The following TSHR variants were observed in gnomAD, a reference collection of about 807,000 sequenced individuals.
TSHR encodes the protein thyroid stimulating hormone receptor, also known as thyrotropin receptor.
TSHR carries 51 observed loss-of-function variants against 64.1 expected under a neutral mutation model. The observed-to-expected ratio is 0.80, with a 90% CI of 0.64 to 1.01. TSHR has a LOEUF of 1.01. Ranked by LOEUF, TSHR falls within the 50% of genes least tolerant of loss-of-function variation. The pLI is 0.00. For missense variants in TSHR, 877 were observed against 942.8 expected, an observed-to-expected ratio of 0.93 and a Z score of 0.91; for synonymous variants, 361 against 361.9, an observed-to-expected ratio of 1.00 and a Z score of 0.03.
At chr14:81,132,994 T>C (rs1891312968) in intron 8 of TSHR, among the ~76,000 whole-genome samples, 1 of 152,180 alleles carries the variant, frequency 6.6e-6, no homozygotes, top group Non-Finnish European at 1.5e-5. Flanking sequence ...CTTAAAATGA[T>C]TCCTGACTTG....
chr14:81,108,673 C>T (rs766746755), intron 8 of TSHR: 1 of 1,613,976 alleles, frequency 6.2e-7, no homozygotes, highest in Non-Finnish European at 8.5e-7. Flanking sequence ...CTCCAGTATG[C>T]CATCATGATG....
chr14:81,114,696 C>G (rs1890406629), intron 8 of TSHR, among the ~76,000 whole-genome samples: 2 of 152,212 alleles, frequency 1.3e-5, no homozygotes, highest in South Asian at 4.1e-4. Context: ...AGGAGGCCTG[C>G]CTGCCTCTGT....
intron 1 of TSHR, among the ~76,000 whole-genome samples, chr14:81,009,869 T>C (rs1889813606): frequency 6.6e-6 from 1 of 152,128 alleles, no homozygotes; most frequent in Admixed American, 6.6e-5. Context: ...ACGTCAACTG[T>C]GCCAGTTGTG....
chr14:80,964,104 C>T (rs1287406318), intron 1 of TSHR, among the ~76,000 whole-genome samples: 1 of 152,168 alleles, frequency 6.6e-6, no homozygotes, highest in Non-Finnish European at 1.5e-5. Context: ...GGGTGGCTCA[C>T]GCCTGTAATC....
chr14:80,962,676 A>G (rs1566738676), intron 1 of TSHR, among the ~76,000 whole-genome samples: 1 of 152,252 alleles, frequency 6.6e-6, no homozygotes, highest in Non-Finnish European at 1.5e-5. Context: ...CTTAAAGGGT[A>G]GCCCACCAAC....
At chr14:81,012,789 T>C (rs1016467084) in intron 1 of TSHR, 96 of 151,440 alleles carry the variant, frequency 6.3e-4, no homozygotes, top group Non-Finnish European at 1.3e-3. Flanking sequence ...GATGGGGTTG[T>C]TTGTTTTTTT....
At chr14:81,117,364 C>T (rs1292756832) in intron 8 of TSHR, among the ~76,000 whole-genome samples, 1 of 116,442 alleles carries the variant, frequency 8.6e-6, no homozygotes, top group African/African-American at 4.1e-5. Flanking sequence ...ACCACCGATC[C>T]CACAGAAATA....
At chr14:81,056,508 G>C (rs907865916) in intron 1 of TSHR, among the ~76,000 whole-genome samples, 1 of 152,162 alleles carries the variant, frequency 6.6e-6, no homozygotes, top group Non-Finnish European at 1.5e-5. Flanking sequence ...TGGGCGTAAA[G>C]TATGCCTTAA....
chr14:81,125,456 T>A (rs1890981970), intron 8 of TSHR, among the ~76,000 whole-genome samples: 1 of 152,178 alleles, frequency 6.6e-6, no homozygotes. Flanking sequence ...TTAAAGTTTG[T>A]GGCCCTCAAC....
intron 1 of TSHR, chr14:81,033,548 A>G (rs1216895967): frequency 6.8e-6 from 1 of 147,388 alleles, no homozygotes; most frequent in African/African-American, 2.5e-5. Flanking sequence ...GTGGTAAGTT[A>G]AAATCAGGGT....
At chr14:81,024,189 G>A (rs1883921485) in intron 1 of TSHR, among the ~76,000 whole-genome samples, 1 of 151,510 alleles carries the variant, frequency 6.6e-6, no homozygotes, top group African/African-American at 2.4e-5. Context: ...ACTTTAAGTT[G>A]TTATATGACT....
Position 81,096,532 on chromosome 14 carries a change from C to A in TSHR, c.546-107C>A, listed in dbSNP as rs8013535. The A allele has an allele frequency of 0.011, 12,888 of 1,144,754 alleles. 541 individuals are homozygous for A. In the African/African-American group the frequency reaches 0.12, roughly 11 times the overall value. 70.9% of individuals were successfully genotyped at this position (1,144,754 alleles called of 1,614,324 possible). A position where few individuals can be genotyped will look rare whatever the true frequency, so the allele number is the denominator to read the frequency against. ...GGATACATATGTGGGACCTGAAAAA[C>A]CTTTATGTACATTTATGACACTGAA... is the stretch of plus-strand genomic sequence containing the variant. On this transcript the variant is annotated intron_variant, in intron 6 of 9. Coordinates refer to ENST00000298171, the MANE Select transcript of TSHR (RefSeq NM_000369.5).
intron 2 of TSHR, among the ~76,000 whole-genome samples, chr14:81,067,147 T>A (rs915993497): frequency 3.3e-5 from 5 of 152,202 alleles, no homozygotes; most frequent in Non-Finnish European, 7.3e-5. Context: ...ACCTGTGGAA[T>A]GTTCCACTAG....
chr14:81,070,631 A>C, intron 3 of TSHR, among the ~76,000 whole-genome samples: 1 of 149,164 alleles, frequency 6.7e-6, no homozygotes, highest in Admixed American at 6.6e-5. Context: ...ATCTCAAAAA[A>C]AAAAAAAAAA....
chr14:81,098,638 TAG>T (rs1161025962), intron 7 of TSHR, among the ~76,000 whole-genome samples: 1 of 152,184 alleles, frequency 6.6e-6, no homozygotes, highest in African/African-American at 2.4e-5. Context: ...CACACAGTTC[TAG>T]ACATAGAGTG....
At chr14:81,032,691 T>C (rs146663071) in intron 1 of TSHR, 383 of 432,018 alleles carry the variant, frequency 8.9e-4, no homozygotes, top group Admixed American at 2.9e-3. Context: ...TGGTGATGCA[T>C]ACAAGAAGAA....
intron 1 of TSHR, among the ~76,000 whole-genome samples, chr14:80,967,182 A>ATG (rs1887359945): frequency 2.3e-5 from 1 of 43,666 alleles, no homozygotes; most frequent in African/African-American, 4.4e-5. Context: ...ATATATATGT[A>ATG]TGTGTATATA....
chr14:80,968,984 G>A (rs147931259), intron 1 of TSHR, among the ~76,000 whole-genome samples: 19 of 152,324 alleles, frequency 1.2e-4, no homozygotes, highest in African/African-American at 3.8e-4. Flanking sequence ...CAGGAATACA[G>A]ACAGGAAGCT....
intron 1 of TSHR, among the ~76,000 whole-genome samples, chr14:80,999,518 AG>A (rs1189124816): frequency 6.6e-6 from 1 of 152,198 alleles, no homozygotes; most frequent in African/African-American, 2.4e-5. Context: ...TCTTTCTCTC[AG>A]TTTTGTAACA....
Sources: gnomAD v4.1 joint callset for allele counts (sites outside exome capture counted in the v4.1 genomes callset) on GRCh38, gnomAD v4.1.1 for gene constraint, MANE v1.5 for transcripts, NCBI Gene and HGNC (gene_info 2026-07-23, HGNC 2026-07-21) for gene names.